The following ETV6 variants were observed in gnomAD, a reference collection of about 807,000 sequenced individuals.
ETV6 encodes transcription factor ETV6.
ETV6 carries 16 observed loss-of-function variants against 51.1 expected under a neutral mutation model. The observed-to-expected ratio is 0.31, with a 90% CI of 0.21 to 0.48. The LOEUF (loss-of-function observed/expected upper bound fraction) is 0.48, where lower values mean the gene tolerates loss of function less well. Ranked by LOEUF, ETV6 falls within the 20% of genes least tolerant of loss-of-function variation. The pLI, the probability that ETV6 is intolerant of heterozygous loss-of-function variation, is 0.99. For missense variants in ETV6, 458 were observed against 594.8 expected, an observed-to-expected ratio of 0.77 and a Z score of 2.39; for synonymous variants, 240 against 224.1, an observed-to-expected ratio of 1.07 and a Z score of -0.64.
chr12:11,757,393 A>C (rs1230509606), intron 2 of ETV6, among the ~76,000 whole-genome samples: 1 of 149,444 alleles, frequency 6.7e-6, no homozygotes, highest in Non-Finnish European at 1.5e-5. Flanking sequence ...GGGTAGAGCA[A>C]CAATTTTATA....
chr12:11,821,208 A>G (rs1040624702), intron 2 of ETV6, among the ~76,000 whole-genome samples: 2 of 150,466 alleles, frequency 1.3e-5, no homozygotes, highest in African/African-American at 4.9e-5. Flanking sequence ...TAAAAATACA[A>G]AAAAAAAATT....
intron 4 of ETV6, among the ~76,000 whole-genome samples, chr12:11,861,199 G>A (rs969691086): frequency 1.3e-5 from 2 of 152,086 alleles, no homozygotes; most frequent in Admixed American, 6.5e-5. Context: ...AGCAGGTAAC[G>A]ACAGGTCCCA....
At position 11,869,789 on chromosome 12, in the gene ETV6, C is replaced by G; in HGVS notation, c.829C>G (p.Leu277Val). ...QLMPSPIMHP[L>V]ILNPRHSVDF... Reference sequence around the variant, plus strand: ...GATGCCCAGCCCCATCATGCACCCTCTGATCCTGAACCCCCGGCACTCCGT... The same window carrying G: ...GATGCCCAGCCCCATCATGCACCCTGTGATCCTGAACCCCCGGCACTCCGT... The change falls in exon 5 of 8, where the codon CTG becomes GTG. Residue 277 changes from leucine to valine, a missense_variant. Around this residue, in one of 4 missense-constraint regions of ETV6, gnomAD observed 293 missense variants for 315.7 expected, o/e 0.93. Coordinates refer to ENST00000396373, the MANE Select transcript of ETV6 (RefSeq NM_001987.5). This position sits in a 1 kb window ranked among gnomAD's most constrained non-coding sequence, Gnocchi z 5.0. The G allele has an allele frequency of 1.2e-6, 2 of 1,613,330 alleles. No individual in the cohort carries two copies. Among genetic ancestry groups the G allele is most frequent in the Non-Finnish European group, 1.7e-6 (2 of 1,180,032 alleles).
intron 1 of ETV6, among the ~76,000 whole-genome samples, chr12:11,723,139 G>A (rs1865422676): frequency 6.6e-6 from 1 of 152,174 alleles, no homozygotes; most frequent in South Asian, 2.1e-4. Context: ...TTTCTCATTT[G>A]TAAAATGGGA....
chr12:11,679,099 A>T (rs1040492118), intron 1 of ETV6, among the ~76,000 whole-genome samples: 1 of 152,238 alleles, frequency 6.6e-6, no homozygotes, highest in Non-Finnish European at 1.5e-5. Context: ...TATTAATGTC[A>T]TTGAGGTTGA....
intron 1 of ETV6, among the ~76,000 whole-genome samples, chr12:11,703,776 A>G (rs1865025938): frequency 6.6e-6 from 1 of 152,308 alleles, no homozygotes; most frequent in South Asian, 2.1e-4. Context: ...AGCTTCCTGG[A>G]TGGGAGTTTG....
rs563771914 is a variant in ETV6, at chr12:11,806,318, T to C, written c.164-32822T>C. ...GATCAACTGAGTGAAAGGTACAAAG[T>C]AAGAAACAATTGAGAGGCATTGCTC... On this transcript the variant is annotated intron_variant, in intron 2 of 7. Coordinates refer to ENST00000396373, the MANE Select transcript of ETV6 (RefSeq NM_001987.5). 2.6e-4 allele frequency among the ~76,000 whole-genome samples: 39 copies of C among 152,230 alleles called. No individual in the cohort carries two copies. The South Asian group carries it at 4.2e-3, about 16-fold the overall frequency.
chr12:11,886,246 G>C (rs1947180899), intron 7 of ETV6, among the ~76,000 whole-genome samples: 1 of 152,186 alleles, frequency 6.6e-6, no homozygotes, highest in Non-Finnish European at 1.5e-5. Flanking sequence ...TAAATGAACA[G>C]AATCTGACTC....
intron 1 of ETV6, among the ~76,000 whole-genome samples, chr12:11,684,816 A>G (rs958529733): frequency 1.3e-5 from 2 of 152,250 alleles, no homozygotes; most frequent in African/African-American, 4.8e-5. Flanking sequence ...GGCTGAAGAT[A>G]CAACCCATAA....
chr12:11,841,825 G>GT (rs1946394584), intron 3 of ETV6, among the ~76,000 whole-genome samples: 1 of 152,188 alleles, frequency 6.6e-6, no homozygotes, highest in Non-Finnish European at 1.5e-5. Flanking sequence ...GCTCACGCCT[G>GT]TAATCCCAGC....
chr12:11,794,043 C>T (rs1461968617), intron 2 of ETV6, among the ~76,000 whole-genome samples: 1 of 152,146 alleles, frequency 6.6e-6, no homozygotes, highest in Admixed American at 6.5e-5. Context: ...GCTCAGCAAC[C>T]GGGCAGCTGG....
intron 2 of ETV6, among the ~76,000 whole-genome samples, chr12:11,780,666 T>G (rs1171142334): frequency 2.2e-4 from 33 of 152,198 alleles, no homozygotes; most frequent in Non-Finnish European, 4.4e-5. Flanking sequence ...TCACCATCCC[T>G]GGGGAATTGG....
chr12:11,799,003 G>A (rs559905654), intron 2 of ETV6, among the ~76,000 whole-genome samples: 2 of 152,336 alleles, frequency 1.3e-5, no homozygotes, highest in South Asian at 2.1e-4. Flanking sequence ...AACGCTGAGA[G>A]GAATGTCTGT....
At chr12:11,673,313 A>C (rs977721616) in intron 1 of ETV6, among the ~76,000 whole-genome samples, 2 of 152,196 alleles carry the variant, frequency 1.3e-5, no homozygotes, top group Non-Finnish European at 2.9e-5. Flanking sequence ...GGAGATGTCC[A>C]TGAAGAAGAA....
Position 11,650,369 on chromosome 12 carries a change from G to C in ETV6, c.33+209G>C, listed in dbSNP as rs139273519. Reference sequence around the variant, plus strand: ...TCCCCCCCACCGCCGAGCCCCTGCCGGCTCCTCGGCCCCCACCCCCTTGCT... The same window carrying C: ...TCCCCCCCACCGCCGAGCCCCTGCCCGCTCCTCGGCCCCCACCCCCTTGCT... On this transcript the variant is annotated intron_variant, in intron 1 of 7. Coordinates refer to ENST00000396373, the MANE Select transcript of ETV6 (RefSeq NM_001987.5). Among the ~76,000 whole-genome samples, 4,381 of 60,308 alleles carry C rather than the reference G, an allele frequency of 0.073. 99 individuals carry two copies. Among genetic ancestry groups the C allele is most frequent in the Admixed American group, 0.18 (751 of 4,160 alleles). The allele number at this position is 60,308 out of a possible 152,430, so 39.6% of individuals were successfully genotyped here.
intron 2 of ETV6, among the ~76,000 whole-genome samples, chr12:11,796,273 G>A (rs116687990): frequency 1.5e-3 from 233 of 152,156 alleles, no homozygotes; most frequent in African/African-American, 5.3e-3. Flanking sequence ...TTTTCTTGCC[G>A]GAAAGGAAAA....
intron 5 of ETV6, 105 bp from the exon 6 acceptor site, chr12:11,884,340 C>A: frequency 1.5e-6 from 2 of 1,295,334 alleles, no homozygotes; most frequent in Non-Finnish European, 2.2e-6. Flanking sequence ...AATCAGTCAA[C>A]CCAAGCTAGG....
Position 11,892,583 on chromosome 12 carries a change from A to G in ETV6, c.*1537A>G, listed in dbSNP as rs889256419. On this transcript the variant is annotated 3_prime_UTR_variant, in exon 8 of 8. Coordinates refer to ENST00000396373, the MANE Select transcript of ETV6 (RefSeq NM_001987.5). ...TCAGAAATCCAATATTTGGAGTACA[A>G]TTTCTTTTAATCCAGATTACACCTG... is the stretch of plus-strand genomic sequence containing the variant. 3 of 232,610 alleles carry G rather than the reference A, an allele frequency of 1.3e-5. No homozygotes were observed. Among genetic ancestry groups the G allele is most frequent in the African/African-American group, 4.4e-5 (2 of 45,130 alleles). The allele number at this position is 232,610 out of a possible 1,614,324, so 14.4% of individuals were successfully genotyped here. A position where few individuals can be genotyped will look rare whatever the true frequency, so the allele number is the denominator to read the frequency against.
chr12:11,801,831 G>A (rs1945754052), intron 2 of ETV6, among the ~76,000 whole-genome samples: 1 of 152,184 alleles, frequency 6.6e-6, no homozygotes, highest in Non-Finnish European at 1.5e-5. Context: ...AAGCCAGCAT[G>A]AGCCAGTGAA....
Sources: gnomAD v4.1 joint callset for allele counts (sites outside exome capture counted in the v4.1 genomes callset) on GRCh38, gnomAD v4.1.1 for gene constraint, gnomAD v4.1.1 regional missense constraint, Gnocchi (gnomAD v3.1) non-coding constraint, MANE v1.5 for transcripts, NCBI Gene and HGNC (gene_info 2026-07-23, HGNC 2026-07-21) for gene names.